Variants in ZNF385D observed in about 807,000 individuals in gnomAD.
ZNF385D encodes the protein zinc finger protein 659.
ZNF385D carries 15 observed loss-of-function variants against 35.8 expected under a neutral mutation model. That is an observed-to-expected ratio of 0.42 (90% CI 0.28 to 0.64). ZNF385D has a LOEUF of 0.64. ZNF385D is among the 30% of genes least tolerant of loss of function. The pLI is 0.23. For missense variants in ZNF385D, 474 were observed against 494.6 expected, an observed-to-expected ratio of 0.96 and a Z score of 0.39; for synonymous variants, 212 against 186.8, an observed-to-expected ratio of 1.13 and a Z score of -1.10.
intron 3 of ZNF385D, among the ~76,000 whole-genome samples, chr3:21,989,237 T>G (rs1218919700): frequency 6.6e-6 from 1 of 152,200 alleles, no homozygotes; most frequent in Non-Finnish European, 1.5e-5. Flanking sequence ...GGTTTAACCT[T>G]ACATATCAAA....
chr3:22,032,715 G>T (rs919920659), intron 3 of ZNF385D, among the ~76,000 whole-genome samples: 4 of 152,124 alleles, frequency 2.6e-5, no homozygotes, highest in Non-Finnish European at 5.9e-5. Context: ...AGGGCATTTA[G>T]GTAAATGGTA....
At chr3:22,078,070 G>A (rs1242505899) in intron 3 of ZNF385D, among the ~76,000 whole-genome samples, 2 of 151,996 alleles carry the variant, frequency 1.3e-5, no homozygotes, top group African/African-American at 2.4e-5. Flanking sequence ...CCTGAAATTT[G>A]TGAGTACCAT....
intron 2 of ZNF385D, among the ~76,000 whole-genome samples, chr3:21,589,453 C>T (rs772772002): frequency 2.6e-5 from 4 of 151,940 alleles, no homozygotes; most frequent in South Asian, 2.1e-4. Context: ...GACTTAAATG[C>T]GAAAAGCAAA....
chr3:22,159,742 A>G (rs1371024826), intron 3 of ZNF385D, among the ~76,000 whole-genome samples: 1 of 152,146 alleles, frequency 6.6e-6, no homozygotes, highest in Admixed American at 6.6e-5. Context: ...TTCAATGATA[A>G]AAAAGGAATT....
intron 3 of ZNF385D, among the ~76,000 whole-genome samples, chr3:21,769,745 T>G (rs1283347434): frequency 7.3e-6 from 1 of 136,864 alleles, no homozygotes; most frequent in Non-Finnish European, 1.6e-5. Flanking sequence ...ACTTTAAAGT[T>G]CATATGGAAC....
In ZNF385D at chr3:22,013,414, A is replaced by G. The variant is rs140359078; in HGVS notation, c.325+155403T>C. On this transcript the variant is annotated intron_variant, in intron 3 of 5. Transcript: ENST00000494108. Reference sequence around the variant, plus strand: ...CCAACCATATTATGGCAGTTAGAATAGGCCAAATAATTTTTTATTAATGCT... The same window carrying G: ...CCAACCATATTATGGCAGTTAGAATGGGCCAAATAATTTTTTATTAATGCT... Among the ~76,000 whole-genome samples, 372 of 152,322 alleles carry G rather than the reference A, an allele frequency of 2.4e-3. 1 individual carries two copies. Among genetic ancestry groups the G allele is most frequent in the African/African-American group, 8.6e-3 (356 of 41,572 alleles).
intron 2 of ZNF385D, among the ~76,000 whole-genome samples, chr3:22,223,221 G>A (rs1698362036): frequency 6.6e-6 from 1 of 151,936 alleles, no homozygotes; most frequent in South Asian, 2.1e-4. Context: ...ATCAAAGAAA[G>A]CCAATGAAAA....
At chr3:21,495,738 A>G (rs1020410116) in intron 4 of ZNF385D, among the ~76,000 whole-genome samples, 1 of 152,134 alleles carries the variant, frequency 6.6e-6, no homozygotes, top group African/African-American at 2.4e-5. Context: ...AAAAAAACAT[A>G]CAAAAGATCA....
At chr3:21,911,060 A>C (rs1194413527) in intron 3 of ZNF385D, among the ~76,000 whole-genome samples, 1 of 151,836 alleles carries the variant, frequency 6.6e-6, no homozygotes, top group Non-Finnish European at 1.5e-5. Flanking sequence ...TATTAGGGGG[A>C]AAGAGAATAT....
chr3:21,843,254 G>T (rs897301492), intron 3 of ZNF385D, among the ~76,000 whole-genome samples: 1 of 151,952 alleles, frequency 6.6e-6, no homozygotes, highest in African/African-American at 2.4e-5. Context: ...GAACCAGCAG[G>T]TAGAAGCACT....
chr3:21,981,998 A>G (rs1694481952), intron 3 of ZNF385D, among the ~76,000 whole-genome samples: 1 of 150,614 alleles, frequency 6.6e-6, no homozygotes, highest in South Asian at 2.1e-4. Context: ...AGGTAACATG[A>G]TGCCTCCAGC....
At chr3:21,743,294 T>C (rs1233746410) in intron 1 of ZNF385D, among the ~76,000 whole-genome samples, 1 of 152,170 alleles carries the variant, frequency 6.6e-6, no homozygotes, top group Non-Finnish European at 1.5e-5. Flanking sequence ...TTGAGTTAAA[T>C]AGTGAGACAG....
intron 2 of ZNF385D, among the ~76,000 whole-genome samples, chr3:22,339,228 A>G (rs1459457908): frequency 6.6e-6 from 1 of 152,210 alleles, no homozygotes; most frequent in Admixed American, 6.5e-5. Flanking sequence ...ACTAAATAAT[A>G]TAAAAGCTTG....
At chr3:22,119,971 C>T (rs1364961919) in intron 3 of ZNF385D, among the ~76,000 whole-genome samples, 1 of 149,100 alleles carries the variant, frequency 6.7e-6, no homozygotes, top group African/African-American at 2.5e-5. Context: ...CATGCTCCAA[C>T]ATACTCAATT....
intron 2 of ZNF385D, among the ~76,000 whole-genome samples, chr3:22,309,348 T>C (rs964858409): frequency 1.3e-5 from 2 of 152,068 alleles, no homozygotes; most frequent in Non-Finnish European, 2.9e-5. Context: ...ATCCGTCCTA[T>C]AATAAATGAT....
chr3:21,933,540 G>T (rs74395746), intron 3 of ZNF385D, among the ~76,000 whole-genome samples: 3 of 152,192 alleles, frequency 2.0e-5, no homozygotes, highest in Non-Finnish European at 1.5e-5. Flanking sequence ...CAGGTCCCTA[G>T]ATCTGCTTTG....
intron 3 of ZNF385D, among the ~76,000 whole-genome samples, chr3:21,783,858 C>T (rs546815033): frequency 4.6e-5 from 7 of 152,258 alleles, no homozygotes; most frequent in Middle Eastern, 3.4e-3. Context: ...CACAATATAG[C>T]GAGGGAAAGT....
At chr3:21,569,922 A>AGGGGGGGG (rs1575210384) in intron 2 of ZNF385D, among the ~76,000 whole-genome samples, 11 of 115,330 alleles carry the variant, frequency 9.5e-5, no homozygotes, top group Admixed American at 2.8e-4. Flanking sequence ...GTGGGGGGGC[A>AGGGGGGGG]GGGAGGGATA....
At chr3:22,221,698 T>G (rs990897198) in intron 2 of ZNF385D, among the ~76,000 whole-genome samples, 1 of 152,158 alleles carries the variant, frequency 6.6e-6, no homozygotes, top group Non-Finnish European at 1.5e-5. Context: ...AATATAGACA[T>G]ACTAATGGTT....
Sources: gnomAD v4.1 joint callset for allele counts (sites outside exome capture counted in the v4.1 genomes callset) on GRCh38, gnomAD v4.1.1 for gene constraint, MANE v1.5 for transcripts, NCBI Gene and HGNC (gene_info 2026-07-23, HGNC 2026-07-21) for gene names.